The following NAA15 variants were observed in gnomAD, a reference collection of about 807,000 sequenced individuals.
NAA15 encodes N-alpha-acetyltransferase 15, NatA auxiliary subunit, also known as N-terminal acetyltransferase.
Under a neutral mutation model 114.0 loss-of-function variants are expected in NAA15, and 34 were observed. That is an observed-to-expected ratio of 0.30 (90% CI 0.23 to 0.40). The LOEUF (loss-of-function observed/expected upper bound fraction) is 0.40. Ranked by LOEUF, NAA15 falls within the 10% of genes least tolerant of loss-of-function variation. The pLI is 1.00. For missense variants in NAA15, 658 were observed against 1,004.5 expected (o/e 0.66, Z 4.66); for synonymous variants, 340 against 338.0 (o/e 1.01, Z -0.06).
chr4:139,376,527 G>A, intron 16 of NAA15, 54 bp downstream of exon 16: 1 of 1,097,236 alleles, frequency 9.1e-7, no homozygotes, highest in South Asian at 1.3e-5. Flanking sequence ...TATTTCTTAG[G>A]TATAGTCACC....
chr4:139,350,144 T>A (rs1747730471), intron 7 of NAA15, among the ~76,000 whole-genome samples: 1 of 151,978 alleles, frequency 6.6e-6, no homozygotes, highest in Non-Finnish European at 1.5e-5. Context: ...CATAGTAGCA[T>A]CAAAAACATG....
chr4:139,316,553 T>C (rs1295442227), intron 1 of NAA15, among the ~76,000 whole-genome samples: 1 of 151,914 alleles, frequency 6.6e-6, no homozygotes, highest in African/African-American at 2.4e-5. Context: ...TACTTTAAAT[T>C]TGCGATGGAT....
At position 139,313,886 on chromosome 4, in the gene NAA15, C is replaced by T. The variant is rs945968668; in HGVS notation, c.54+12055C>T. On this transcript the variant is annotated intron_variant, in intron 1 of 19. Transcript: ENST00000296543. ...TTATATACAGGTAATTCCACTGTAT[C>T]GGGACATGGAGATTCCTAAAAGTCG... 1.2e-4 allele frequency among the ~76,000 whole-genome samples: 18 copies of T among 151,840 alleles called. 1 individual carries two copies. Among genetic ancestry groups the T allele is most frequent in the East Asian group, 5.8e-4 (3 of 5,162 alleles).
rs1291324652 is a variant in NAA15 at position 139,316,581 on chromosome 4, T to A, written c.54+14750T>A. Reference sequence around the variant, plus strand: ...CGATGGATATGGTGATATTACATCTTTTCTCTGTAAGCGTTTTTGATGTGT... The same window carrying A: ...CGATGGATATGGTGATATTACATCTATTCTCTGTAAGCGTTTTTGATGTGT... On this transcript the variant is annotated intron_variant, in intron 1 of 19. Coordinates refer to ENST00000296543, the MANE Select transcript of NAA15 (RefSeq NM_057175.5). 2.6e-5 allele frequency among the ~76,000 whole-genome samples: 4 copies of A among 151,976 alleles called. 1 individual carries two copies. Among genetic ancestry groups the A allele is most frequent in the Non-Finnish European group, 5.9e-5 (4 of 68,012 alleles).
chr4:139,306,463 G>A (rs1186704308), intron 1 of NAA15, among the ~76,000 whole-genome samples: 1 of 151,558 alleles, frequency 6.6e-6, no homozygotes, highest in East Asian at 1.9e-4. Flanking sequence ...TTGAACTAGT[G>A]ACCTCAAGTG....
chr4:139,388,926 G>A lies in NAA15; in HGVS notation c.*842G>A, dbSNP rs953523944. 1 of 152,448 alleles carries A rather than the reference G, an allele frequency of 6.6e-6. No homozygotes were observed. The highest frequency in any genetic ancestry group is 2.4e-5 in the African/African-American group (1 of 41,404). The allele number at this position is 152,448 out of a possible 1,614,324, so 9.4% of individuals were successfully genotyped here. ...AAGCATGAATTTTTCACCCAAGAGT[G>A]AAAAAAGGAAAATCTACCATGGCTT... On this transcript the variant is annotated 3_prime_UTR_variant, in exon 20 of 20. Coordinates refer to ENST00000296543, the MANE Select transcript of NAA15 (RefSeq NM_057175.5).
chr4:139,302,098 C>G (rs929641409), intron 1 of NAA15: 2 of 387,672 alleles, frequency 5.2e-6, no homozygotes, highest in Non-Finnish European at 4.6e-6. Flanking sequence ...TCTAGACTGC[C>G]GGTTCTCATT....
At chr4:139,308,286 A>T (rs1425580101) in intron 1 of NAA15, among the ~76,000 whole-genome samples, 1 of 152,102 alleles carries the variant, frequency 6.6e-6, no homozygotes, top group Non-Finnish European at 1.5e-5. Flanking sequence ...AAATTATTTT[A>T]TGTGATTTAT....
Position 139,389,194 on chromosome 4 carries a change from ATT to A in NAA15, c.*1131_*1132del, listed in dbSNP as rs71600201. ...CTTTGTAATTTTTAAAGGGCCCAAG[ATT>A]TTTTTTTTTTTTTTTTTTTTCAAAT... On this transcript the variant is annotated 3_prime_UTR_variant, in exon 20 of 20. Transcript: ENST00000296543. The A allele has an allele frequency of 2.6e-3, 300 of 113,326 alleles. No individual in the cohort carries two copies. The highest frequency in any genetic ancestry group is 5.5e-3 in the African/African-American group (166 of 30,346). 7.0% of individuals were successfully genotyped at this position (113,326 alleles called of 1,614,324 possible). A position where few individuals can be genotyped will look rare whatever the true frequency, so the allele number is the denominator to read the frequency against.
intron 1 of NAA15, among the ~76,000 whole-genome samples, chr4:139,333,308 A>G (rs1472693336): frequency 6.6e-6 from 1 of 152,198 alleles, no homozygotes; most frequent in Non-Finnish European, 1.5e-5. Context: ...TGAAGGCCGT[A>G]TATTTGTCTT....
intron 1 of NAA15, among the ~76,000 whole-genome samples, chr4:139,304,946 T>C (rs751818707): frequency 4.6e-5 from 7 of 152,188 alleles, no homozygotes; most frequent in Admixed American, 2.0e-4. Context: ...CTTCCTCTGT[T>C]GCCCAGGCTG....
rs554440606 is a variant in NAA15, at chr4:139,389,579, A to G, written c.*1495A>G. 4 of 152,736 alleles carry G rather than the reference A, an allele frequency of 2.6e-5. No homozygotes were observed. The highest frequency in any genetic ancestry group is 9.6e-5 in the African/African-American group (4 of 41,570). 9.5% of individuals were successfully genotyped at this position (152,736 alleles called of 1,614,324 possible). A position where few individuals can be genotyped will look rare whatever the true frequency, so the allele number is the denominator to read the frequency against. ...TAATTTAAAAGGAAAACTAAAAACTATTTTGATTTGGGAAAATGAGCCTTA... is the reference window on the plus strand; with the variant it reads ...TAATTTAAAAGGAAAACTAAAAACTGTTTTGATTTGGGAAAATGAGCCTTA... On this transcript the variant is annotated 3_prime_UTR_variant, in exon 20 of 20. Coordinates refer to ENST00000296543, the MANE Select transcript of NAA15 (RefSeq NM_057175.5).
At chr4:139,332,245 C>G (rs1295611481) in intron 1 of NAA15, among the ~76,000 whole-genome samples, 1 of 152,076 alleles carries the variant, frequency 6.6e-6, no homozygotes, top group East Asian at 1.9e-4. Context: ...ATTCTCCTGC[C>G]TCAGCTTCCC....
intron 1 of NAA15, among the ~76,000 whole-genome samples, chr4:139,305,413 G>T (rs1428510317): frequency 6.6e-6 from 1 of 151,670 alleles, no homozygotes; most frequent in Admixed American, 6.6e-5. Context: ...TGTTTCTTGA[G>T]ATTTGATAGT....
Position 139,364,720 on chromosome 4 carries a change from G to C in NAA15, c.1753+2783G>C, listed in dbSNP as rs143803229. 2.1e-3 allele frequency among the ~76,000 whole-genome samples: 315 copies of C among 152,290 alleles called. 2 individuals are homozygous for C. Among genetic ancestry groups the C allele is most frequent in the Non-Finnish European group, 4.0e-3 (270 of 68,010 alleles). On this transcript the variant is annotated intron_variant, in intron 14 of 19. Coordinates refer to ENST00000296543, the MANE Select transcript of NAA15 (RefSeq NM_057175.5). ...TCCATTTTTCTCAATCTAACACTGT[G>C]TCTTTAGAATTTTCGTGTTTTTACA...
chr4:139,335,655 G>A (rs1265011435), intron 2 of NAA15, among the ~76,000 whole-genome samples: 4 of 151,722 alleles, frequency 2.6e-5, no homozygotes, highest in Non-Finnish European at 4.4e-5. Context: ...GAGCCACTGC[G>A]CCCAGCCTAT....
chr4:139,354,644 A>G (rs1020349342), intron 10 of NAA15, among the ~76,000 whole-genome samples: 2 of 152,212 alleles, frequency 1.3e-5, no homozygotes, highest in African/African-American at 4.8e-5. Context: ...TTTTAAAAAC[A>G]TCTACAAAAC....
Position 139,301,670 on chromosome 4 carries a change from G to C in NAA15, c.-108G>C. On this transcript the variant is annotated 5_prime_UTR_variant, in exon 1 of 20. Transcript: ENST00000296543. ...CACCCGAGGCCTGGTGGTGGCGGCG[G>C]ATCGAGATATTCAAGGCTGAAGCAG... is the stretch of plus-strand genomic sequence containing the variant. 7.6e-7 allele frequency: 1 copy of C among 1,310,594 alleles called. No homozygotes were observed. Among genetic ancestry groups the C allele is most frequent in the Non-Finnish European group, 1.1e-6 (1 of 952,368 alleles). 81.2% of individuals were successfully genotyped at this position (1,310,594 alleles called of 1,614,324 possible).
At chr4:139,378,672 CTT>C (rs1748657783) in intron 16 of NAA15, 82 bp from the exon 17 acceptor site, 1 of 737,522 alleles carries the variant, frequency 1.4e-6, no homozygotes, top group Non-Finnish European at 2.1e-6. Context: ...TCTAAATTTA[CTT>C]TTTCTATTTG....
Sources: allele counts gnomAD v4.1 joint callset (sites outside exome capture counted in the v4.1 genomes callset), GRCh38; gene constraint gnomAD v4.1.1; transcripts MANE v1.5; gene names NCBI Gene and HGNC (gene_info 2026-07-23, HGNC 2026-07-21).